Variants in GGT1 observed in about 807,000 individuals in gnomAD.
GGT1 encodes gamma-glutamyltransferase 1, also known as glutathione hydrolase 1 proenzyme.
Under a neutral mutation model 56.0 loss-of-function variants are expected in GGT1, and 21 were observed. That is an observed-to-expected ratio of 0.38 (90% confidence interval 0.27 to 0.54). The LOEUF (loss-of-function observed/expected upper bound fraction) is 0.54. Among genes scored for constraint, GGT1 ranks in the 20% least tolerant of loss-of-function variants. The pLI is 0.82. For missense variants in GGT1, 466 were observed against 787.0 expected (o/e 0.59, Z 4.88); for synonymous variants, 238 against 342.6 (o/e 0.69, Z 3.37).
the GGT1 span, among the ~76,000 whole-genome samples, chr22:24,584,472 TC>T: frequency 0.016 from 2,388 of 152,230 alleles, 54 homozygotes; most frequent in African/African-American, 0.055. Flanking sequence ...CCCAACACCA[TC>T]CTGTCCTCAC....
the GGT1 span, chr22:24,588,151 T>G: frequency 7.8e-7 from 1 of 1,282,494 alleles, no homozygotes; most frequent in Non-Finnish European, 1.1e-6. Flanking sequence ...AGAGTGCAGG[T>G]GTCAACCTGA....
chr22:24,624,475 C>A (rs1569064495), intron 11 of GGT1: 15 of 971,724 alleles, frequency 1.5e-5, no homozygotes, highest in Non-Finnish European at 1.8e-5. Context: ...ATCTGCAGAC[C>A]CCCCCACACT....
At chr22:24,591,529 GCC>G (rs2045567646), upstream of GGT1, among the ~76,000 whole-genome samples, 1 of 152,214 alleles carries the variant, frequency 6.6e-6, no homozygotes, top group Non-Finnish European at 1.5e-5. Context: ...GGCAGGGGAG[GCC>G]GTGGGTCACA....
chr22:24,595,064 G>C lies in GGT1; in HGVS notation c.-324+178G>C, dbSNP rs551556520. Among the ~76,000 whole-genome samples, 145 of 152,282 alleles carry C rather than the reference G, an allele frequency of 9.5e-4. 1 individual carries two copies. The highest frequency in any genetic ancestry group is 1.6e-3 in the Non-Finnish European group (112 of 68,020). On this transcript the variant is annotated intron_variant, in intron 1 of 6. Transcript: ENST00000411974. ...AGGGAATGGAGGGCTGAGCCTGGAG[G>C]CATGAAAGGGGCAACCTAGGCAGCG...
upstream of GGT1, among the ~76,000 whole-genome samples, chr22:24,598,721 CTT>C (rs2045735395): frequency 6.6e-6 from 1 of 152,090 alleles, no homozygotes; most frequent in Admixed American, 6.6e-5. Context: ...GCCCAGCTAA[CTT>C]TTTTATTTTT....
the GGT1 span, among the ~76,000 whole-genome samples, chr22:24,584,741 C>A: frequency 2.0e-5 from 3 of 152,152 alleles, no homozygotes; most frequent in East Asian, 5.8e-4. Context: ...CAGACCTTAC[C>A]TCCTGGCTTA....
chr22:24,618,714 A>G (rs933398905), intron 7 of GGT1, among the ~76,000 whole-genome samples: 4 of 152,250 alleles, frequency 2.6e-5, no homozygotes, highest in Non-Finnish European at 5.9e-5. Flanking sequence ...CTAGGAATTG[A>G]AACCACCAGC....
rs4049883 is a variant in GGT1, at chr22:24,614,803, G to C, written c.192G>C (p.Ala64=). Residue 64 remains alanine, a synonymous_variant, in exon 6 of 16, where the codon GCG becomes GCC. Transcript: ENST00000400382. Reference sequence around the variant, plus strand: ...ATGCACTGCGGGACGGTGGCTCTGCGGTGGATGCAGCCATTGCAGCCCTGT... The same window carrying C: ...ATGCACTGCGGGACGGTGGCTCTGCCGTGGATGCAGCCATTGCAGCCCTGT... ...GRDALRDGGS[A]VDAAIAALLC... 6.2e-6 allele frequency: 10 copies of C among 1,613,512 alleles called. No individual in the cohort carries two copies. In the South Asian group the frequency reaches 1.1e-4, roughly 18 times the overall value.
chr22:24,611,900 A>G (rs941880680), intron 5 of GGT1, among the ~76,000 whole-genome samples: 2 of 151,908 alleles, frequency 1.3e-5, no homozygotes, highest in Non-Finnish European at 2.9e-5. Context: ...TCCACCTCCC[A>G]GGTTCAAGTG....
intron 10 of GGT1, 87 bp downstream of exon 10, chr22:24,623,343 C>A (rs2047545292): frequency 1.2e-5 from 16 of 1,367,528 alleles, no homozygotes; most frequent in East Asian, 7.5e-5. Context: ...TCTCTGCTCG[C>A]CCCCCATGCC....
At chr22:24,613,762 AGAAAG>A (rs1029441819) in intron 5 of GGT1, among the ~76,000 whole-genome samples, 15 of 141,972 alleles carry the variant, frequency 1.1e-4, no homozygotes, top group African/African-American at 4.1e-4. Context: ...AAAAAAAAAA[AGAAAG>A]AAAAGAAAAG....
chr22:24,627,357 A>C (rs58936342), intron 11 of GGT1, 75 bp from the exon 12 acceptor site: 1 of 1,402,998 alleles, frequency 7.1e-7, no homozygotes, highest in Non-Finnish European at 9.6e-7. Context: ...GTCACAGTCA[A>C]GGGCCTTCTG....
chr22:24,604,890 A>G (rs931963751), intron 1 of GGT1, among the ~76,000 whole-genome samples: 1 of 147,444 alleles, frequency 6.8e-6, no homozygotes, highest in African/African-American at 2.5e-5. Flanking sequence ...GCTGTGCCCC[A>G]TTGAAGGCAG....
At position 24,615,043 on chromosome 22, in the gene GGT1, A is replaced by G. The variant is rs754864057; in HGVS notation, c.298A>G (p.Lys100Glu). 3 of 1,611,440 alleles carry G rather than the reference A, an allele frequency of 1.9e-6. No individual in the cohort carries two copies. Among genetic ancestry groups the G allele is most frequent in the African/African-American group, 1.3e-5 (1 of 74,878 alleles). Residue 100 changes from lysine to glutamate, a missense_variant and splice_region_variant, in exon 7 of 16, where the codon AAA (lysine) becomes GAA (glutamate). This residue lies in a region of GGT1 where 456 missense variants were observed against 716.7 expected (regional missense o/e 0.64). Transcript: ENST00000400382. Reference sequence around the variant, plus strand: ...TGCCTACCTGCTTCTCCTTCTAGGAAAAGCTGAGGTCATCAACGCCCGCGA... The same window carrying G: ...TGCCTACCTGCTTCTCCTTCTAGGAGAAGCTGAGGTCATCAACGCCCGCGA... ...FLTIYNSTTR[K>E]AEVINAREVA...
intron 12 of GGT1, 33 bp from the exon 13 acceptor site, chr22:24,627,819 G>C (rs948147341): frequency 6.3e-7 from 1 of 1,599,886 alleles, no homozygotes; most frequent in Non-Finnish European, 8.5e-7. Flanking sequence ...GGCCAGGCAA[G>C]GTCGGGCACT....
intron 1 of GGT1, among the ~76,000 whole-genome samples, chr22:24,597,078 G>A (rs2045706086): frequency 1.3e-5 from 2 of 151,318 alleles, no homozygotes; most frequent in African/African-American, 4.9e-5. Flanking sequence ...CACCTCCCAG[G>A]TTCAAGCGAT....
chr22:24,618,684 C>T (rs192400654), intron 7 of GGT1, among the ~76,000 whole-genome samples: 339 of 152,330 alleles, frequency 2.2e-3, no homozygotes, highest in Non-Finnish European at 3.7e-3. Context: ...GTCAGACCTT[C>T]CGGGATGTAT....
intron 1 of GGT1, among the ~76,000 whole-genome samples, chr22:24,605,128 A>T (rs186533684): frequency 3.9e-3 from 90 of 23,260 alleles, no homozygotes; most frequent in South Asian, 0.011. Flanking sequence ...ATAATATGTA[A>T]TATATTATAT....
At chr22:24,592,113 T>C (rs767819971), upstream of GGT1, 1 of 366,178 alleles carries the variant, frequency 2.7e-6, no homozygotes, top group Non-Finnish European at 5.5e-6. Flanking sequence ...TGGTAGCTGC[T>C]GTAGGGGGTG....
Sources: allele counts gnomAD v4.1 joint callset (sites outside exome capture counted in the v4.1 genomes callset), GRCh38; gene constraint gnomAD v4.1.1; regional missense constraint gnomAD v4.1.1; transcripts MANE v1.5; gene names NCBI Gene and HGNC (gene_info 2026-07-23, HGNC 2026-07-21).